FSHB: variants seen among roughly 807,000 people sequenced by gnomAD.
FSHB encodes the protein follitropin subunit beta.
In FSHB, 8 loss-of-function variants were observed where a neutral mutation model predicts 12.1. The observed-to-expected ratio is 0.66, with a 90% CI of 0.39 to 1.19. FSHB has a LOEUF of 1.19. FSHB is among the 50% of genes most tolerant of loss of function. FSHB has a pLI of 0.01. For missense variants in FSHB, 153 were observed against 157.2 expected, an observed-to-expected ratio of 0.97 and a Z score of 0.14; for synonymous variants, 55 against 54.6, an observed-to-expected ratio of 1.01 and a Z score of -0.04.
chr11:30,232,535 A>G (rs987131072), intron 2 of FSHB, among the ~76,000 whole-genome samples: 3 of 152,240 alleles, frequency 2.0e-5, no homozygotes, highest in African/African-American at 7.2e-5. Flanking sequence ...CCTACTAAAT[A>G]CAAATGCCAA....
In FSHB at chr11:30,232,419, C is replaced by T. The variant is rs187741863; in HGVS notation, c.159+358C>T. Among the ~76,000 whole-genome samples, 16 of 152,294 alleles carry T rather than the reference C, an allele frequency of 1.1e-4. No homozygotes were observed. In the East Asian group the frequency reaches 2.9e-3, roughly 28 times the overall value. ...AGGACCTATAATATTCTCATAAAGG[C>T]AATTTCTTTAACTGACACTACATCT... On this transcript the variant is annotated intron_variant, in intron 2 of 2. Coordinates refer to ENST00000533718, the MANE Select transcript of FSHB (RefSeq NM_001382289.1).
At position 30,233,266 on chromosome 11, in the gene FSHB, G is replaced by A. The variant is rs554182273; in HGVS notation, c.160-304G>A. On this transcript the variant is annotated intron_variant, in intron 2 of 2. Coordinates refer to ENST00000533718, the MANE Select transcript of FSHB (RefSeq NM_001382289.1). ...TACAGCTTTCAATTAAATATGAAAAGTCAACTTAAAATCCTGTCATGTTTT... is the reference window on the plus strand; with the variant it reads ...TACAGCTTTCAATTAAATATGAAAAATCAACTTAAAATCCTGTCATGTTTT... Among the ~76,000 whole-genome samples the A allele has an allele frequency of 2.6e-5, 4 of 152,136 alleles. No individual in the cohort carries two copies. In the South Asian group the frequency reaches 8.3e-4, roughly 32 times the overall value.
rs989191776 is a variant in FSHB at position 30,234,230 on chromosome 11, G to C, written c.*430G>C. 8 of 240,412 alleles carry C rather than the reference G, an allele frequency of 3.3e-5. No homozygotes were observed. The highest frequency in any genetic ancestry group is 6.7e-5 in the Non-Finnish European group (8 of 119,920). The allele number at this position is 240,412 out of a possible 1,614,324, so 14.9% of individuals were successfully genotyped here. ...CAAGGTCAGCATCTTCAGCATTGTA[G>C]CGTCAATGCCTAGCACTCTGCCTGG... On this transcript the variant is annotated 3_prime_UTR_variant, in exon 3 of 3. Coordinates refer to ENST00000533718, the MANE Select transcript of FSHB (RefSeq NM_001382289.1).
At position 30,232,236 on chromosome 11, in the gene FSHB, G is replaced by A. The variant is rs972169274; in HGVS notation, c.159+175G>A. Among the ~76,000 whole-genome samples the A allele has an allele frequency of 3.9e-5, 6 of 152,128 alleles. No individual in the cohort carries two copies. The South Asian group carries it at 6.2e-4, about 16-fold the overall frequency. On this transcript the variant is annotated intron_variant, in intron 2 of 2. Coordinates refer to ENST00000533718, the MANE Select transcript of FSHB (RefSeq NM_001382289.1). ...GACCACGATATCACTTAGATGTTTG[G>A]GCTTGGATTTGATTTGGGTAAATTT...
intron 1 of FSHB, among the ~76,000 whole-genome samples, 183 bp from the exon 2 acceptor site, chr11:30,231,683 C>A (rs571213642): frequency 3.2e-4 from 49 of 152,110 alleles, no homozygotes; most frequent in African/African-American, 1.2e-3. Context: ...TATATTCCCA[C>A]CCTGACCCAA....
intron 1 of FSHB, among the ~76,000 whole-genome samples, chr11:30,231,251 T>C (rs1852001420): frequency 6.6e-6 from 1 of 152,236 alleles, no homozygotes; most frequent in Non-Finnish European, 1.5e-5. Context: ...TATGCCTCTC[T>C]TCTGAAATGG....
chr11:30,232,559 A>G (rs1484269819), intron 2 of FSHB, among the ~76,000 whole-genome samples: 1 of 152,204 alleles, frequency 6.6e-6, no homozygotes, highest in Admixed American at 6.5e-5. Context: ...ACAGCCTGAG[A>G]ACACAATCAA....
At position 30,232,016 on chromosome 11, in the gene FSHB, C is replaced by T. The variant is rs1852014382; in HGVS notation, c.114C>T (p.Cys38=). ...IAIEKEECRF[C]ISINTTWCAG... ...TAGAGAAAGAAGAATGTCGTTTCTG[C>T]ATAAGCATCAACACCACTTGGTGTG... is the stretch of plus-strand genomic sequence containing the variant. The change falls in exon 2 of 3, where the codon TGC becomes TGT. Residue 38 remains cysteine, a synonymous_variant. Transcript: ENST00000533718. 6.2e-7 allele frequency: 1 copy of T among 1,613,972 alleles called. No homozygotes were observed.
chr11:30,231,416 C>A (rs1852003701), intron 1 of FSHB, among the ~76,000 whole-genome samples: 1 of 152,076 alleles, frequency 6.6e-6, no homozygotes, highest in South Asian at 2.1e-4. Flanking sequence ...ATTGCTTGAG[C>A]CTGGAAGGTT....
intron 2 of FSHB, 126 bp from the exon 3 acceptor site, chr11:30,233,444 T>C: frequency 1.3e-6 from 1 of 752,326 alleles, no homozygotes; most frequent in South Asian, 1.5e-5. Context: ...ATATAGGTCA[T>C]TTATGAGGTC....
chr11:30,232,032 A>G lies in FSHB; in HGVS notation c.130A>G (p.Thr44Ala). ...TCGTTTCTGCATAAGCATCAACACC[A>G]CTTGGTGTGCTGGCTACTGCTACAC... ...ECRFCISINTTWCAGYCYTRD... is the reference protein window; with the variant it reads ...ECRFCISINTAWCAGYCYTRD... The change falls in exon 2 of 3, where the codon ACT becomes GCT. Residue 44 changes from threonine (T) to alanine (A), a missense_variant. Coordinates refer to ENST00000533718, the MANE Select transcript of FSHB (RefSeq NM_001382289.1). The G allele has an allele frequency of 6.2e-7, 1 of 1,613,850 alleles. No individual in the cohort carries two copies. The highest frequency in any genetic ancestry group is 8.5e-7 in the Non-Finnish European group (1 of 1,179,858).
Position 30,233,970 on chromosome 11 carries a change from G to C in FSHB, c.*170G>C. The C allele has an allele frequency of 1.5e-6, 1 of 654,336 alleles. No homozygotes were observed. The highest frequency in any genetic ancestry group is 2.7e-6 in the Non-Finnish European group (1 of 363,922). 40.5% of individuals were successfully genotyped at this position (654,336 alleles called of 1,614,324 possible). On this transcript the variant is annotated 3_prime_UTR_variant, in exon 3 of 3. Coordinates refer to ENST00000533718, the MANE Select transcript of FSHB (RefSeq NM_001382289.1). Reference sequence around the variant, plus strand: ...GAACTCTGGGAATTGAGAGTGCTGGGGGCCAGGACTCCATCATGATTCAGC... The same window carrying C: ...GAACTCTGGGAATTGAGAGTGCTGGCGGCCAGGACTCCATCATGATTCAGC...
In FSHB at chr11:30,232,075, T is replaced by A. The variant is rs1231135896; in HGVS notation, c.159+14T>A. On this transcript the variant is annotated intron_variant, in intron 2 of 2. Coordinates refer to ENST00000533718, the MANE Select transcript of FSHB (RefSeq NM_001382289.1). ...TGCTACACCAGGGTAGGTACCATGT[T>A]TTGCTGGAAGCAAGGGTGTTGAAGG... 6.2e-7 allele frequency: 1 copy of A among 1,613,474 alleles called. No homozygotes were observed. Among genetic ancestry groups the A allele is most frequent in the African/African-American group, 1.3e-5 (1 of 74,918 alleles).
At chr11:30,232,418 G>A (rs1027969702) in intron 2 of FSHB, among the ~76,000 whole-genome samples, 2 of 152,044 alleles carry the variant, frequency 1.3e-5, no homozygotes, top group Admixed American at 1.3e-4. Flanking sequence ...TCTCATAAAG[G>A]CAATTTCTTT....
rs184811057 is a variant in FSHB at position 30,234,340 on chromosome 11, T to C, written c.*540T>C. On this transcript the variant is annotated 3_prime_UTR_variant, in exon 3 of 3. Coordinates refer to ENST00000533718, the MANE Select transcript of FSHB (RefSeq NM_001382289.1). ...GAAGACGATGTTTGAGGTAAGCTGATGAGGCTGCCCGCAGCCACACCAGTC... is the reference window on the plus strand; with the variant it reads ...GAAGACGATGTTTGAGGTAAGCTGACGAGGCTGCCCGCAGCCACACCAGTC... 2 of 168,632 alleles carry C rather than the reference T, an allele frequency of 1.2e-5. No homozygotes were observed. Among genetic ancestry groups the C allele is most frequent in the African/African-American group, 4.8e-5 (2 of 41,808 alleles). The allele number at this position is 168,632 out of a possible 1,614,324, so 10.4% of individuals were successfully genotyped here.
rs1590624254 is a variant in FSHB at position 30,234,303 on chromosome 11, T to C, written c.*503T>C. ...TTCTTTAGATCAGAAAGGTCAAGGG[T>C]AGAAAATACTGGAAGACGATGTTTG... On this transcript the variant is annotated 3_prime_UTR_variant, in exon 3 of 3. Coordinates refer to ENST00000533718, the MANE Select transcript of FSHB (RefSeq NM_001382289.1). 2 of 168,792 alleles carry C rather than the reference T, an allele frequency of 1.2e-5. No individual in the cohort carries two copies. Among genetic ancestry groups the C allele is most frequent in the East Asian group, 3.1e-4 (2 of 6,458 alleles). 10.5% of individuals were successfully genotyped at this position (168,792 alleles called of 1,614,324 possible).
rs1244280485 is a variant in FSHB, at chr11:30,234,425, G to A, written c.*625G>A. The stretch of plus-strand genomic sequence containing the variant: ...TTTTCTCCAGCACATGGAGTATTGA[G>A]ACATGATGTATCTTTCTGAATTGTT... On this transcript the variant is annotated 3_prime_UTR_variant, in exon 3 of 3. Coordinates refer to ENST00000533718, the MANE Select transcript of FSHB (RefSeq NM_001382289.1). 1 of 157,524 alleles carries A rather than the reference G, an allele frequency of 6.3e-6. No homozygotes were observed. The highest frequency in any genetic ancestry group is 2.4e-5 in the African/African-American group (1 of 41,456). The allele number at this position is 157,524 out of a possible 1,614,324, so 9.8% of individuals were successfully genotyped here. A position where few individuals can be genotyped will look rare whatever the true frequency, so the allele number is the denominator to read the frequency against.
At chr11:30,232,289 A>G (rs1425095274) in intron 2 of FSHB, among the ~76,000 whole-genome samples, 2 of 152,358 alleles carry the variant, frequency 1.3e-5, no homozygotes, top group Admixed American at 6.5e-5. Flanking sequence ...AATCTGATCA[A>G]TTTGGTACTA....
At position 30,233,964 on chromosome 11, in the gene FSHB, T is replaced by A. The variant is rs536661935; in HGVS notation, c.*164T>A. The A allele has an allele frequency of 1.5e-6, 1 of 671,588 alleles. No homozygotes were observed. The highest frequency in any genetic ancestry group is 2.7e-5 in the East Asian group (1 of 36,382). 41.6% of individuals were successfully genotyped at this position (671,588 alleles called of 1,614,324 possible). A position where few individuals can be genotyped will look rare whatever the true frequency, so the allele number is the denominator to read the frequency against. On this transcript the variant is annotated 3_prime_UTR_variant, in exon 3 of 3. Transcript: ENST00000533718. ...CAGAGGGAACTCTGGGAATTGAGAGTGCTGGGGGCCAGGACTCCATCATGA... is the reference window on the plus strand; with the variant it reads ...CAGAGGGAACTCTGGGAATTGAGAGAGCTGGGGGCCAGGACTCCATCATGA...
Sources: gnomAD v4.1 joint callset for allele counts (sites outside exome capture counted in the v4.1 genomes callset) on GRCh38, gnomAD v4.1.1 for gene constraint, MANE v1.5 for transcripts, NCBI Gene and HGNC (gene_info 2026-07-23, HGNC 2026-07-21) for gene names.